PPARG: variants seen among roughly 807,000 people sequenced by gnomAD.
The protein encoded by PPARG is peroxisome proliferator-activated receptor gamma.
PPARG carries 17 observed loss-of-function variants against 39.2 expected under a neutral mutation model. The observed-to-expected ratio is 0.43, with a 90% CI of 0.30 to 0.65. The LOEUF is 0.65. Ranked by LOEUF, PPARG falls within the 30% of genes least tolerant of loss-of-function variation. The pLI is 0.13. For synonymous variants in PPARG, 223 were observed against 215.7 expected, an observed-to-expected ratio of 1.03 and a Z score of -0.30; for missense variants, 406 against 585.9, an observed-to-expected ratio of 0.69 and a Z score of 3.17.
At chr3:12,365,260 G>C (rs1378817631) in intron 2 of PPARG, among the ~76,000 whole-genome samples, 1 of 152,242 alleles carries the variant, frequency 6.6e-6, no homozygotes, top group African/African-American at 2.4e-5. Context: ...TACTGGTCTG[G>C]ACCTGGAGGT....
chr3:12,377,364 C>T (rs901544167), intron 2 of PPARG, among the ~76,000 whole-genome samples: 1 of 152,026 alleles, frequency 6.6e-6, no homozygotes, highest in Non-Finnish European at 1.5e-5. Context: ...TTGACACTCT[C>T]GGGTGTGATC....
chr3:12,352,144 G>T (rs1325933823), intron 2 of PPARG, among the ~76,000 whole-genome samples: 3 of 152,082 alleles, frequency 2.0e-5, no homozygotes, highest in Admixed American at 1.3e-4. Context: ...TGAAATCTAG[G>T]TATTGTGTGT....
intron 2 of PPARG, chr3:12,351,705 G>A (rs2048493453): frequency 7.8e-6 from 12 of 1,532,188 alleles, no homozygotes; most frequent in Non-Finnish European, 1.1e-5. Context: ...GGCTATTGGG[G>A]ACGTGGGGGC....
intron 2 of PPARG, chr3:12,344,994 G>A (rs1486035229): frequency 6.6e-6 from 1 of 152,136 alleles, no homozygotes; most frequent in Non-Finnish European, 1.5e-5. Flanking sequence ...CTATTCAATA[G>A]TTGTTATTAT....
intron 6 of PPARG, among the ~76,000 whole-genome samples, chr3:12,408,415 C>G (rs2050750172): frequency 6.6e-6 from 1 of 151,846 alleles, no homozygotes; most frequent in Non-Finnish European, 1.5e-5. Context: ...CATAGCAAAT[C>G]AAAAATAAAT....
chr3:12,312,957 G>T (rs1382604885), intron 2 of PPARG, among the ~76,000 whole-genome samples: 1 of 152,130 alleles, frequency 6.6e-6, no homozygotes, highest in Admixed American at 6.5e-5. Context: ...TCCTGGAACT[G>T]ACTAGATGGG....
intron 6 of PPARG, among the ~76,000 whole-genome samples, chr3:12,409,751 T>G (rs752660027): frequency 1.3e-5 from 2 of 152,148 alleles, no homozygotes. Context: ...CCCAGAACCT[T>G]TGGAAAAGGA....
intron 4 of PPARG, among the ~76,000 whole-genome samples, chr3:12,387,663 A>C (rs2049929100): frequency 6.6e-6 from 1 of 152,132 alleles, no homozygotes; most frequent in African/African-American, 2.4e-5. Context: ...CCCATTCTGT[A>C]GGTTGCCTGT....
At chr3:12,359,263 A>G (rs1395739234) in intron 2 of PPARG, among the ~76,000 whole-genome samples, 1 of 152,174 alleles carries the variant, frequency 6.6e-6, no homozygotes, top group Admixed American at 6.6e-5. Flanking sequence ...CTGATTGAAC[A>G]TTTACTGAGC....
intron 2 of PPARG, among the ~76,000 whole-genome samples, chr3:12,361,018 T>C (rs1198099482): frequency 6.6e-6 from 1 of 152,206 alleles, no homozygotes; most frequent in Non-Finnish European, 1.5e-5. Flanking sequence ...TCTATACTTC[T>C]ACTAGAAGTG....
In PPARG at chr3:12,381,581, AT is replaced by A. The variant is rs767364009; in HGVS notation, c.390+98del. 3.1e-5 allele frequency: 43 copies of A among 1,374,562 alleles called. No homozygotes were observed. In the East Asian group the frequency reaches 3.4e-4, roughly 11 times the overall value. 85.1% of individuals were successfully genotyped at this position (1,374,562 alleles called of 1,614,324 possible). A position where few individuals can be genotyped will look rare whatever the true frequency, so the allele number is the denominator to read the frequency against. ...CTTTTTTAGGTGATACAATATATGA[AT>A]TTTTTTTCTTCATGGAAGAGTATCT... On this transcript the variant is annotated intron_variant, in intron 4 of 7. Coordinates refer to ENST00000651735, the MANE Select transcript of PPARG (RefSeq NM_138711.6).
At chr3:12,400,881 C>T (rs190356036) in intron 5 of PPARG, among the ~76,000 whole-genome samples, 59 of 152,306 alleles carry the variant, frequency 3.9e-4, no homozygotes, top group Middle Eastern at 3.4e-3. Context: ...CAGTAATTTT[C>T]TTAAAGCCAC....
intron 2 of PPARG, among the ~76,000 whole-genome samples, chr3:12,325,028 T>C (rs2047651651): frequency 6.6e-6 from 1 of 151,726 alleles, no homozygotes; most frequent in Admixed American, 6.6e-5. Flanking sequence ...GGCTCAAGCC[T>C]GTAATTCCAG....
At chr3:12,394,414 T>C (rs1164623971) in intron 5 of PPARG, among the ~76,000 whole-genome samples, 1 of 152,206 alleles carries the variant, frequency 6.6e-6, no homozygotes, top group Non-Finnish European at 1.5e-5. Context: ...TAGGCAAATA[T>C]TATTTAAACC....
At chr3:12,341,129 G>A (rs186442296) in intron 2 of PPARG, among the ~76,000 whole-genome samples, 1 of 151,798 alleles carries the variant, frequency 6.6e-6, no homozygotes, top group Non-Finnish European at 1.5e-5. Context: ...GTTGCAGTGA[G>A]CTGAGATCAC....
intron 1 of PPARG, chr3:12,297,781 T>A (rs1276028594): frequency 1.3e-5 from 2 of 152,166 alleles, no homozygotes; most frequent in African/African-American, 4.8e-5. Context: ...CCAGAGTTAC[T>A]TTCTTTTAAA....
chr3:12,420,922 T>TG (rs2051238703), intron 7 of PPARG, among the ~76,000 whole-genome samples: 1 of 152,154 alleles, frequency 6.6e-6, no homozygotes, highest in South Asian at 2.1e-4. Flanking sequence ...CCCCTGAGCT[T>TG]GGGGGCAAGA....
chr3:12,288,525 G>A (rs938076036), upstream of PPARG, among the ~76,000 whole-genome samples: 2 of 152,006 alleles, frequency 1.3e-5, no homozygotes, highest in African/African-American at 4.8e-5. Context: ...GGGAACTTTG[G>A]AGCAGGGTGT....
Position 12,393,323 on chromosome 3 carries a change from G to A in PPARG, c.529+571G>A, listed in dbSNP as rs536391931. On this transcript the variant is annotated intron_variant, in intron 5 of 7. Coordinates refer to ENST00000651735, the MANE Select transcript of PPARG (RefSeq NM_138711.6). The stretch of plus-strand genomic sequence containing the variant: ...TTTTATAGTTCTGCAAAACTTCAAA[G>A]CCATAGAAACATAAGAGAATAAAAC... 7.3e-5 allele frequency among the ~76,000 whole-genome samples: 11 copies of A among 150,204 alleles called. No homozygotes were observed. The South Asian group carries it at 2.3e-3, about 31-fold the overall frequency.
Sources: allele counts gnomAD v4.1 joint callset (sites outside exome capture counted in the v4.1 genomes callset), GRCh38; gene constraint gnomAD v4.1.1; transcripts MANE v1.5; gene names NCBI Gene and HGNC (gene_info 2026-07-23, HGNC 2026-07-21).